Variants in ERBB4 observed in about 807,000 individuals in gnomAD.
ERBB4 encodes the protein receptor tyrosine-protein kinase erbB-4.
ERBB4 carries 42 observed loss-of-function variants against 158.0 expected under a neutral mutation model. The observed-to-expected ratio is 0.27, with a 90% confidence interval of 0.21 to 0.34. The LOEUF is 0.34. Among genes scored for constraint, ERBB4 ranks in the 10% least tolerant of loss-of-function variants. The pLI, the probability that ERBB4 is intolerant of heterozygous loss-of-function variation, is 1.00. For missense variants in ERBB4, 1,333 were observed against 1,624.1 expected, an observed-to-expected ratio of 0.82 and a Z score of 3.08; for synonymous variants, 583 against 558.7, an observed-to-expected ratio of 1.04 and a Z score of -0.61.
At chr2:211,682,050 TCACACACACACACACACA>T (rs60803024) in intron 12 of ERBB4, among the ~76,000 whole-genome samples, 1 of 134,400 alleles carries the variant, frequency 7.4e-6, no homozygotes, top group African/African-American at 2.9e-5. Context: ...TTTATACACA[TCACACACACACACACACA>T]CACACACACA....
At chr2:211,512,428 A>G (rs1676782386) in intron 20 of ERBB4, among the ~76,000 whole-genome samples, 1 of 145,512 alleles carries the variant, frequency 6.9e-6, no homozygotes, top group South Asian at 2.2e-4. Flanking sequence ...ATTATTCCAA[A>G]GAACAAAAAC....
chr2:211,830,911 G>T (rs2077204482), intron 3 of ERBB4, among the ~76,000 whole-genome samples: 1 of 151,834 alleles, frequency 6.6e-6, no homozygotes. Context: ...GCCACATAAG[G>T]CATGAGAATC....
At chr2:211,806,756 G>GA (rs1319315707) in intron 3 of ERBB4, among the ~76,000 whole-genome samples, 2 of 152,010 alleles carry the variant, frequency 1.3e-5, no homozygotes, top group Non-Finnish European at 2.9e-5. Context: ...GAAACATCAA[G>GA]AAAAAACAAG....
chr2:211,943,941 C>T (rs1017956862), intron 3 of ERBB4, among the ~76,000 whole-genome samples: 1 of 151,350 alleles, frequency 6.6e-6, no homozygotes, highest in Non-Finnish European at 1.5e-5. Context: ...TGACAGTCTT[C>T]ATGTTAACTA....
intron 1 of ERBB4, among the ~76,000 whole-genome samples, chr2:212,331,075 C>CGT (rs961860230): frequency 1.9e-4 from 4 of 21,352 alleles, no homozygotes; most frequent in East Asian, 3.5e-3. Context: ...TATATATACA[C>CGT]ATATATATAT....
At chr2:212,405,110 AATAT>A (rs1342567967) in intron 1 of ERBB4, among the ~76,000 whole-genome samples, 2 of 152,030 alleles carry the variant, frequency 1.3e-5, no homozygotes, top group Admixed American at 6.6e-5. Flanking sequence ...ACAAAGGTTA[AATAT>A]CCAGCATCCG....
intron 3 of ERBB4, among the ~76,000 whole-genome samples, chr2:211,813,996 A>G (rs1034065246): frequency 1.3e-5 from 2 of 152,148 alleles, no homozygotes; most frequent in Non-Finnish European, 2.9e-5. Context: ...AAGTACATCA[A>G]TTAATTACAC....
intron 15 of ERBB4, among the ~76,000 whole-genome samples, chr2:211,660,309 C>T (rs944287571): frequency 6.6e-6 from 1 of 152,150 alleles, no homozygotes; most frequent in African/African-American, 2.4e-5. Flanking sequence ...CTATTTTAGT[C>T]CACGTAAGAG....
At chr2:211,954,949 G>T (rs1453131130) in intron 2 of ERBB4, among the ~76,000 whole-genome samples, 1 of 152,032 alleles carries the variant, frequency 6.6e-6, no homozygotes, top group Non-Finnish European at 1.5e-5. Flanking sequence ...TAGTATGTTT[G>T]CTTTGGAATT....
At chr2:211,887,591 A>C (rs1388819232) in intron 3 of ERBB4, among the ~76,000 whole-genome samples, 1 of 152,166 alleles carries the variant, frequency 6.6e-6, no homozygotes, top group African/African-American at 2.4e-5. Flanking sequence ...TTACTTTCTA[A>C]ACAAATATAC....
chr2:212,411,663 T>A (rs2091504875), intron 1 of ERBB4, among the ~76,000 whole-genome samples: 1 of 152,088 alleles, frequency 6.6e-6, no homozygotes, highest in Admixed American at 6.6e-5. Flanking sequence ...ACTAAACACT[T>A]GTTTAAAGTG....
chr2:211,546,327 TTA>T (rs1320733726), intron 20 of ERBB4, among the ~76,000 whole-genome samples: 37 of 152,048 alleles, frequency 2.4e-4, no homozygotes, highest in African/African-American at 8.7e-4. Context: ...ACATATATAT[TTA>T]TGTGTATATG....
At chr2:212,404,192 A>T (rs908918571) in intron 1 of ERBB4, among the ~76,000 whole-genome samples, 2 of 152,200 alleles carry the variant, frequency 1.3e-5, no homozygotes, top group South Asian at 4.1e-4. Flanking sequence ...TTCCAGCAGA[A>T]GCTCAAAGAT....
chr2:212,126,097 G>A (rs2079915777), intron 1 of ERBB4, among the ~76,000 whole-genome samples: 1 of 152,156 alleles, frequency 6.6e-6, no homozygotes, highest in Non-Finnish European at 1.5e-5. Context: ...ATAATGGACT[G>A]ATAATAAATA....
chr2:212,529,412 G>A (rs1692627655), intron 1 of ERBB4, among the ~76,000 whole-genome samples: 1 of 152,166 alleles, frequency 6.6e-6, no homozygotes, highest in South Asian at 2.1e-4. Flanking sequence ...GGATAGGGAT[G>A]AATGATAGCG....
chr2:212,161,295 C>T (rs951032783), intron 1 of ERBB4, among the ~76,000 whole-genome samples: 3 of 151,904 alleles, frequency 2.0e-5, no homozygotes, highest in East Asian at 3.9e-4. Flanking sequence ...TAATACTTCA[C>T]TATGAAGTGT....
At chr2:211,871,798 G>A (rs551935623) in intron 3 of ERBB4, among the ~76,000 whole-genome samples, 23 of 152,024 alleles carry the variant, frequency 1.5e-4, no homozygotes, top group Non-Finnish European at 2.9e-5. Flanking sequence ...TGACAGCTAC[G>A]GCTATTAGTT....
chr2:211,599,511 T>TTGTGTG (rs201810389), intron 19 of ERBB4, among the ~76,000 whole-genome samples: 8 of 20,840 alleles, frequency 3.8e-4, no homozygotes, highest in African/African-American at 5.0e-4. Flanking sequence ...AAATAATTTC[T>TTGTGTG]TCTGTGTGTG....
intron 1 of ERBB4, among the ~76,000 whole-genome samples, chr2:212,256,393 C>T (rs1201140969): frequency 6.6e-6 from 1 of 151,962 alleles, no homozygotes; most frequent in African/African-American, 2.4e-5. Flanking sequence ...ATATCAGTTG[C>T]CTCTTGTTGG....
Sources: gnomAD v4.1 joint callset for allele counts (sites outside exome capture counted in the v4.1 genomes callset) on GRCh38, gnomAD v4.1.1 for gene constraint, MANE v1.5 for transcripts, NCBI Gene and HGNC (gene_info 2026-07-23, HGNC 2026-07-21) for gene names.